The following AGBL4 variants were observed in gnomAD, a reference collection of about 807,000 sequenced individuals.
AGBL4 encodes the protein AGBL carboxypeptidase 4.
A neutral mutation model predicts 66.4 loss-of-function variants in AGBL4; 58 were observed. The ratio of observed to expected loss-of-function variants is 0.87; its 90% CI spans 0.71 to 1.09. The LOEUF (loss-of-function observed/expected upper bound fraction) is 1.09. AGBL4 is among the 50% of genes least tolerant of loss of function. The probability of loss-of-function intolerance (pLI) is 0.00; values close to 1 mark genes in which losing one functional copy is unlikely to be tolerated. For synonymous variants in AGBL4, 234 were observed against 222.9 expected, an observed-to-expected ratio of 1.05 and a Z score of -0.44; for missense variants, 579 against 631.0, an observed-to-expected ratio of 0.92 and a Z score of 0.88.
At chr1:48,859,856 G>A (rs536909678) in intron 6 of AGBL4, among the ~76,000 whole-genome samples, 4 of 152,236 alleles carry the variant, frequency 2.6e-5, no homozygotes, top group East Asian at 1.9e-4. Context: ...AATGCTCACC[G>A]TGGTGTTATT....
intron 4 of AGBL4, among the ~76,000 whole-genome samples, chr1:49,074,886 C>T (rs980470336): frequency 5.3e-5 from 8 of 152,134 alleles, no homozygotes. Context: ...GTAGTAGATT[C>T]CACATCTTGC....
At chr1:48,767,757 T>A (rs1343146490) in intron 6 of AGBL4, among the ~76,000 whole-genome samples, 1 of 152,192 alleles carries the variant, frequency 6.6e-6, no homozygotes, top group Non-Finnish European at 1.5e-5. Context: ...CAAAAATAAA[T>A]GTGCAGCCTC....
chr1:49,711,746 A>T (rs1432494809), intron 2 of AGBL4, among the ~76,000 whole-genome samples: 1 of 152,038 alleles, frequency 6.6e-6, no homozygotes, highest in Non-Finnish European at 1.5e-5. Context: ...TAATAATTTT[A>T]AAAAATACTT....
intron 1 of AGBL4, among the ~76,000 whole-genome samples, chr1:49,932,717 C>G (rs1653493822): frequency 6.6e-6 from 1 of 152,100 alleles, no homozygotes; most frequent in Non-Finnish European, 1.5e-5. Context: ...CACAAACCCT[C>G]CTAGACAGAA....
At chr1:49,849,256 T>C (rs1056538403) in intron 2 of AGBL4, among the ~76,000 whole-genome samples, 1 of 151,976 alleles carries the variant, frequency 6.6e-6, no homozygotes, top group Non-Finnish European at 1.5e-5. Context: ...GGGCATTGAT[T>C]TGGAAACACG....
chr1:48,590,390 G>C (rs1276076166), intron 10 of AGBL4, among the ~76,000 whole-genome samples: 2 of 139,926 alleles, frequency 1.4e-5, no homozygotes, highest in African/African-American at 5.4e-5. Flanking sequence ...TGGGCAATAA[G>C]AGTGAAACTC....
intron 3 of AGBL4, among the ~76,000 whole-genome samples, chr1:49,261,242 C>G (rs1286808743): frequency 2.6e-5 from 4 of 151,696 alleles, no homozygotes; most frequent in African/African-American, 9.7e-5. Flanking sequence ...CCTTTGAAAA[C>G]TGGCACAAGA....
intron 1 of AGBL4, among the ~76,000 whole-genome samples, chr1:50,006,266 G>A (rs190749786): frequency 5.9e-4 from 90 of 151,654 alleles, no homozygotes; most frequent in Middle Eastern, 3.4e-3. Flanking sequence ...ATGAACCCAG[G>A]AAGTGGAGCT....
intron 3 of AGBL4, among the ~76,000 whole-genome samples, chr1:49,622,639 A>C: frequency 6.6e-6 from 1 of 150,488 alleles, no homozygotes; most frequent in South Asian, 2.1e-4. Flanking sequence ...AAAAAAAAAA[A>C]AAAAAAAAAA....
chr1:49,678,639 AT>A (rs1485098049), intron 3 of AGBL4, among the ~76,000 whole-genome samples: 1 of 152,080 alleles, frequency 6.6e-6, no homozygotes, highest in Non-Finnish European at 1.5e-5. Context: ...CCGGCCACAA[AT>A]TTTGGTAAGT....
intron 2 of AGBL4, among the ~76,000 whole-genome samples, chr1:49,730,482 G>A (rs576315891): frequency 2.0e-5 from 3 of 152,286 alleles, no homozygotes; most frequent in South Asian, 2.1e-4. Flanking sequence ...GCTGCCAGTC[G>A]GGAATGAGAG....
chr1:49,884,312 A>G (rs1014921597), intron 1 of AGBL4, among the ~76,000 whole-genome samples: 3 of 151,920 alleles, frequency 2.0e-5, no homozygotes, highest in African/African-American at 7.2e-5. Context: ...GGTTATGTAA[A>G]ACACATGTAA....
At chr1:48,739,331 T>G (rs1649554982) in intron 6 of AGBL4, among the ~76,000 whole-genome samples, 1 of 152,246 alleles carries the variant, frequency 6.6e-6, no homozygotes, top group South Asian at 2.1e-4. Context: ...ACTGTGTTTT[T>G]AGGTAAATCC....
intron 3 of AGBL4, among the ~76,000 whole-genome samples, chr1:49,469,067 C>T (rs567440738): frequency 2.0e-5 from 3 of 151,872 alleles, no homozygotes; most frequent in African/African-American, 7.2e-5. Context: ...CACAGTGATG[C>T]ATGTTTATAC....
At position 48,534,093 on chromosome 1, in the gene AGBL4, T is replaced by C; in HGVS notation, c.*80A>G. 1 of 1,543,048 alleles carries C rather than the reference T, an allele frequency of 6.5e-7. No homozygotes were observed. Among genetic ancestry groups the C allele is most frequent in the Non-Finnish European group, 8.8e-7 (1 of 1,139,622 alleles). ...CATTAATCCACAAATCCTTGGAAGC[T>C]AGAGAAGAGTGATTAATTTCATTCC... is the stretch of plus-strand genomic sequence containing the variant. On this transcript the variant is annotated 3_prime_UTR_variant, in exon 14 of 14. Coordinates refer to ENST00000371839, the MANE Select transcript of AGBL4 (RefSeq NM_032785.4).
intron 5 of AGBL4, among the ~76,000 whole-genome samples, chr1:48,926,380 A>T (rs2148897748): frequency 6.6e-6 from 1 of 151,834 alleles, no homozygotes; most frequent in South Asian, 2.1e-4. Context: ...CCAGGGTTCA[A>T]ACAATTCTTG....
At chr1:49,400,310 T>C (rs1174631909) in intron 3 of AGBL4, among the ~76,000 whole-genome samples, 5 of 152,194 alleles carry the variant, frequency 3.3e-5, no homozygotes, top group African/African-American at 7.2e-5. Context: ...TGAAGTCAGG[T>C]AATGTGATTC....
At chr1:48,560,610 C>T (rs1644382995) in intron 11 of AGBL4, among the ~76,000 whole-genome samples, 1 of 152,180 alleles carries the variant, frequency 6.6e-6, no homozygotes, top group Non-Finnish European at 1.5e-5. Context: ...CAGGGATATA[C>T]ACCTTCAATA....
chr1:48,819,743 A>G (rs1646268722), intron 6 of AGBL4, among the ~76,000 whole-genome samples: 1 of 152,222 alleles, frequency 6.6e-6, no homozygotes. Flanking sequence ...GTTCTTTGCA[A>G]GACTCTTAAT....
Sources: gnomAD v4.1 joint callset for allele counts (sites outside exome capture counted in the v4.1 genomes callset) on GRCh38, gnomAD v4.1.1 for gene constraint, MANE v1.5 for transcripts, NCBI Gene and HGNC (gene_info 2026-07-23, HGNC 2026-07-21) for gene names.